The following PRKAR1B variants were observed in gnomAD, a reference collection of about 807,000 sequenced individuals.
PRKAR1B encodes the protein cAMP-dependent protein kinase type I-beta regulatory subunit.
Under a neutral mutation model 46.5 loss-of-function variants are expected in PRKAR1B, and 22 were observed. The observed-to-expected ratio is 0.47, with a 90% CI of 0.34 to 0.68. The LOEUF is 0.68. Among genes scored for constraint, PRKAR1B ranks in the 30% least tolerant of loss-of-function variants. The pLI is 0.01. For synonymous variants in PRKAR1B, 259 were observed against 217.7 expected (o/e 1.19, Z -1.67); for missense variants, 445 against 535.6 (o/e 0.83, Z 1.67).
At chr7:613,515 C>T (rs113393384) in intron 4 of PRKAR1B, among the ~76,000 whole-genome samples, 73 of 152,300 alleles carry the variant, frequency 4.8e-4, no homozygotes, top group African/African-American at 1.6e-3. Flanking sequence ...CCAGCAGCTC[C>T]GTTCACAGCC....
chr7:610,365 C>T (rs1351086432), intron 4 of PRKAR1B, among the ~76,000 whole-genome samples: 1 of 152,182 alleles, frequency 6.6e-6, no homozygotes, highest in Non-Finnish European at 1.5e-5. Flanking sequence ...CTGGGCGTGG[C>T]CCCGCTCAGA....
rs192474398 is a variant in PRKAR1B, at chr7:644,345, T to C, written c.440+32884A>G. On this transcript the variant is annotated intron_variant, in intron 4 of 10. Transcript: ENST00000537384. The surrounding 1 kb of genome is among the most constrained non-coding windows in gnomAD (Gnocchi z 4.9). ...ACCCCACACTGTGAGGAGCTGGAGGTACACAATGAGGTGGGGAAACTGAGG... is the reference window on the plus strand; with the variant it reads ...ACCCCACACTGTGAGGAGCTGGAGGCACACAATGAGGTGGGGAAACTGAGG... Among the ~76,000 whole-genome samples the C allele has an allele frequency of 6.6e-6, 1 of 152,190 alleles. No homozygotes were observed. Among genetic ancestry groups the C allele is most frequent in the Non-Finnish European group, 1.5e-5 (1 of 67,996 alleles).
intron 9 of PRKAR1B, among the ~76,000 whole-genome samples, chr7:568,742 CTT>C (rs1779320255): frequency 6.6e-6 from 1 of 152,216 alleles, no homozygotes. Context: ...AAACATCCGT[CTT>C]TACGGCAATA....
intron 1 of PRKAR1B, among the ~76,000 whole-genome samples, chr7:712,081 G>C (rs1156359934): frequency 6.6e-6 from 1 of 151,670 alleles, no homozygotes; most frequent in Admixed American, 6.6e-5. Flanking sequence ...GGGTGCGGGA[G>C]AACAAATGCG....
chr7:586,576 C>T (rs1033413310), intron 7 of PRKAR1B, among the ~76,000 whole-genome samples: 1 of 152,194 alleles, frequency 6.6e-6, no homozygotes, highest in African/African-American at 2.4e-5. Flanking sequence ...CCCCCCAGCC[C>T]GAGGAGGGTT....
intron 4 of PRKAR1B, among the ~76,000 whole-genome samples, chr7:636,452 TCCACCGGACTGTGCCCACTGTGC>T (rs1191306598): frequency 5.4e-5 from 8 of 149,346 alleles, no homozygotes; most frequent in Admixed American, 2.0e-4. Context: ...CCTCACGTCC[TCCACCGGACTGTGCCCACTGTGC>T]CCACCGGATG....
chr7:618,995 C>T (rs551978613), intron 4 of PRKAR1B, among the ~76,000 whole-genome samples: 18 of 152,230 alleles, frequency 1.2e-4, no homozygotes, highest in African/African-American at 2.4e-4. Context: ...AAATACTCTC[C>T]GACATGTCTG....
intron 9 of PRKAR1B, chr7:565,470 C>T (rs1417788913): frequency 2.6e-5 from 4 of 152,316 alleles, no homozygotes; most frequent in African/African-American, 9.6e-5. Context: ...AGGCCCAACA[C>T]CGCACCAGCT....
chr7:634,499 G>A (rs1253158400), intron 4 of PRKAR1B, among the ~76,000 whole-genome samples: 2 of 152,074 alleles, frequency 1.3e-5, no homozygotes, highest in Non-Finnish European at 2.9e-5. Context: ...AACTGGGACA[G>A]AGTTTGAATT....
intron 9 of PRKAR1B, among the ~76,000 whole-genome samples, chr7:570,543 C>T (rs950674801): frequency 2.6e-5 from 4 of 152,110 alleles, no homozygotes; most frequent in African/African-American, 4.8e-5. Context: ...CAGCAGTCCC[C>T]GAGCCCTCCC....
intron 4 of PRKAR1B, among the ~76,000 whole-genome samples, chr7:640,111 C>T (rs1002671977): frequency 2.7e-5 from 4 of 147,640 alleles, no homozygotes; most frequent in Non-Finnish European, 4.5e-5. Context: ...TGCAGTGAGC[C>T]GAGATCGTAC....
chr7:550,875 C>T (rs1784140822), intron 10 of PRKAR1B, among the ~76,000 whole-genome samples: 2 of 151,942 alleles, frequency 1.3e-5, no homozygotes, highest in South Asian at 4.2e-4. Context: ...CCAGGTGTGC[C>T]CAGGCCTCCC....
intron 4 of PRKAR1B, among the ~76,000 whole-genome samples, chr7:670,248 A>G (rs76452930): frequency 0.011 from 1,623 of 152,220 alleles, 24 homozygotes; most frequent in Middle Eastern, 0.031. Flanking sequence ...ATGGAGCTAC[A>G]AGTTCATGAA....
intron 9 of PRKAR1B, among the ~76,000 whole-genome samples, chr7:554,473 G>C (rs147229832): frequency 6.6e-6 from 1 of 152,386 alleles, no homozygotes; most frequent in Non-Finnish European, 1.5e-5. Context: ...CTGGTTCACA[G>C]GATTACTTGG....
intron 9 of PRKAR1B, among the ~76,000 whole-genome samples, chr7:558,080 G>A (rs1778559373): frequency 6.6e-6 from 1 of 151,918 alleles, no homozygotes; most frequent in Non-Finnish European, 1.5e-5. Context: ...TTGGGACGCC[G>A]AGGTGGGAGG....
intron 1 of PRKAR1B, among the ~76,000 whole-genome samples, chr7:723,493 C>T (rs1781144441): frequency 6.6e-6 from 1 of 152,222 alleles, no homozygotes; most frequent in Admixed American, 6.5e-5. Context: ...TGTCAACTCT[C>T]AAGCTCCTTT....
chr7:588,690 ATGG>A (rs1373999910), intron 7 of PRKAR1B, among the ~76,000 whole-genome samples: 2 of 11,484 alleles, frequency 1.7e-4, no homozygotes, highest in African/African-American at 5.3e-4. Context: ...GATGATGGTG[ATGG>A]TGGTGATGGT....
chr7:628,949 G>A (rs548092785), intron 4 of PRKAR1B, among the ~76,000 whole-genome samples: 19 of 152,200 alleles, frequency 1.2e-4, no homozygotes, highest in Non-Finnish European at 2.5e-4. Context: ...GCGGGCACTC[G>A]TGTTCTGACG....
intron 6 of PRKAR1B, among the ~76,000 whole-genome samples, chr7:601,915 G>A (rs886809026): frequency 6.6e-6 from 1 of 151,100 alleles, no homozygotes; most frequent in African/African-American, 2.4e-5. Flanking sequence ...GACGGGCAGG[G>A]GGAGGCGCAG....
Sources: allele counts gnomAD v4.1 joint callset (sites outside exome capture counted in the v4.1 genomes callset), GRCh38; gene constraint gnomAD v4.1.1; non-coding constraint Gnocchi (gnomAD v3.1); transcripts MANE v1.5; gene names NCBI Gene and HGNC (gene_info 2026-07-23, HGNC 2026-07-21).